PTPN12: variants seen among roughly 807,000 people sequenced by gnomAD.
The protein encoded by PTPN12 is tyrosine-protein phosphatase non-receptor type 12.
Under a neutral mutation model 97.6 loss-of-function variants are expected in PTPN12, and 29 were observed. That is an observed-to-expected ratio of 0.30 (90% confidence interval 0.22 to 0.41). The LOEUF (loss-of-function observed/expected upper bound fraction) is 0.41, where lower values mean the gene tolerates loss of function less well. PTPN12 is among the 10% of genes least tolerant of loss of function. The probability of loss-of-function intolerance (pLI) is 1.00; values close to 1 mark genes in which losing one functional copy is unlikely to be tolerated. For missense variants in PTPN12, 819 were observed against 926.0 expected (o/e 0.88, Z 1.50); for synonymous variants, 327 against 300.4 (o/e 1.09, Z -0.91).
intron 1 of PTPN12, among the ~76,000 whole-genome samples, chr7:77,564,746 G>GTTTTGTTT (rs1808164926): frequency 2.2e-5 from 1 of 45,370 alleles, no homozygotes; most frequent in Non-Finnish European, 3.8e-5. Flanking sequence ...TTGTTGTCGT[G>GTTTTGTTT]TTTTTTTTTT....
chr7:77,580,148 C>G (rs1031809685), intron 2 of PTPN12, among the ~76,000 whole-genome samples: 22 of 152,160 alleles, frequency 1.4e-4, no homozygotes, highest in African/African-American at 5.3e-4. Flanking sequence ...ATGGAATTCT[C>G]TGTTACACTA....
chr7:77,595,250 A>T (rs1787987497), intron 6 of PTPN12, among the ~76,000 whole-genome samples: 1 of 152,234 alleles, frequency 6.6e-6, no homozygotes, highest in African/African-American at 2.4e-5. Context: ...TGGTTCAGAC[A>T]ACTCGGGATT....
intron 11 of PTPN12, among the ~76,000 whole-genome samples, chr7:77,612,351 A>G (rs1426120888): frequency 2.6e-5 from 4 of 152,222 alleles, no homozygotes; most frequent in Non-Finnish European, 5.9e-5. Context: ...TCCTCCTACA[A>G]TGCCTTTAGC....
chr7:77,638,316 GGCATATAGTATA>G (rs776929436), intron 16 of PTPN12, among the ~76,000 whole-genome samples: 9 of 151,968 alleles, frequency 5.9e-5, no homozygotes, highest in Non-Finnish European at 1.3e-4. Flanking sequence ...TTAGAACATA[GGCATATAGTATA>G]GCTACCTTAA....
At chr7:77,568,946 T>C (rs1483634808) in intron 1 of PTPN12, among the ~76,000 whole-genome samples, 1 of 152,236 alleles carries the variant, frequency 6.6e-6, no homozygotes, top group African/African-American at 2.4e-5. Flanking sequence ...TCTAATTAAA[T>C]GTGCAAGATG....
Position 77,605,416 on chromosome 7 carries a change from T to TTTG in PTPN12, c.696-1817_696-1816insGTT, listed in dbSNP as rs1788333226. On this transcript the variant is annotated intron_variant, in intron 8 of 17. Coordinates refer to ENST00000248594, the MANE Select transcript of PTPN12 (RefSeq NM_002835.4). ...AAAATACTTTTGTCATGAGTTTTTT[T>TTTG]TTTTTTTTTTTTTTTTTTTTTGAGA... Among the ~76,000 whole-genome samples, 22 of 124,402 alleles carry TTTG rather than the reference T, an allele frequency of 1.8e-4. 1 individual carries two copies. The highest frequency in any genetic ancestry group is 6.2e-4 in the African/African-American group (20 of 32,148). The allele number at this position is 124,402 out of a possible 152,430, so 81.6% of individuals were successfully genotyped here. A position where few individuals can be genotyped will look rare whatever the true frequency, so the allele number is the denominator to read the frequency against.
At chr7:77,635,927 T>G in intron 15 of PTPN12, 78 bp downstream of exon 15, 1 of 932,558 alleles carries the variant, frequency 1.1e-6, no homozygotes, top group East Asian at 2.8e-5. Flanking sequence ...GTTGTTGAAA[T>G]AGCTGTCATC....
intron 1 of PTPN12, 52 bp downstream of exon 1, chr7:77,537,697 G>A: frequency 1.3e-6 from 2 of 1,525,386 alleles, no homozygotes; most frequent in Non-Finnish European, 1.8e-6. Flanking sequence ...GGAGCCCATC[G>A]CCGCCTCTCC....
intron 1 of PTPN12, among the ~76,000 whole-genome samples, 200 bp from the exon 2 acceptor site, chr7:77,570,878 T>C (rs1157104630): frequency 6.6e-6 from 1 of 152,254 alleles, no homozygotes; most frequent in Non-Finnish European, 1.5e-5. Context: ...TTGCTGCTCA[T>C]GTGAAATAAA....
intron 14 of PTPN12, among the ~76,000 whole-genome samples, chr7:77,633,255 A>T (rs1584225679): frequency 7.0e-6 from 1 of 143,796 alleles, no homozygotes; most frequent in East Asian, 2.2e-4. Flanking sequence ...GGGCAACAAG[A>T]GCGAAACTCC....
Position 77,550,568 on chromosome 7 carries a change from TA to T in PTPN12, c.99+12926del. ...TAACTGAAGAGTAATGAATGCCCTTTAAAGATTTTTTTGAGATTAGGAAACA... is the reference window on the plus strand; with the variant it reads ...TAACTGAAGAGTAATGAATGCCCTTTAAGATTTTTTTGAGATTAGGAAACA... On this transcript the variant is annotated intron_variant, in intron 1 of 17. Coordinates refer to ENST00000248594, the MANE Select transcript of PTPN12 (RefSeq NM_002835.4). Among the ~76,000 whole-genome samples the T allele has an allele frequency of 2.0e-5, 3 of 152,246 alleles. No homozygotes were observed. In the South Asian group the frequency reaches 6.2e-4, roughly 32 times the overall value.
chr7:77,609,178 C>T (rs1788475754), intron 9 of PTPN12, among the ~76,000 whole-genome samples: 1 of 151,436 alleles, frequency 6.6e-6, no homozygotes, highest in Non-Finnish European at 1.5e-5. Context: ...CGAGATTGTG[C>T]CATTGCACTG....
intron 8 of PTPN12, among the ~76,000 whole-genome samples, chr7:77,604,298 C>T (rs1788289042): frequency 7.3e-6 from 1 of 137,644 alleles, no homozygotes; most frequent in Admixed American, 8.3e-5. Flanking sequence ...TTGCTGCAAC[C>T]TCTGCCTCCT....
chr7:77,587,699 C>T (rs1171069289), intron 5 of PTPN12, among the ~76,000 whole-genome samples: 4 of 152,196 alleles, frequency 2.6e-5, no homozygotes, highest in Admixed American at 2.0e-4. Context: ...TTCTCTAGTT[C>T]TGAAAATCCT....
At chr7:77,616,431 A>T (rs1371311174) in intron 11 of PTPN12, among the ~76,000 whole-genome samples, 2 of 152,146 alleles carry the variant, frequency 1.3e-5, no homozygotes, top group African/African-American at 4.8e-5. Context: ...ACATTTTAGT[A>T]TCCTCTGCTT....
At chr7:77,566,186 GGTGA>G (rs1432197773) in intron 1 of PTPN12, among the ~76,000 whole-genome samples, 3 of 152,164 alleles carry the variant, frequency 2.0e-5, no homozygotes, top group African/African-American at 7.2e-5. Flanking sequence ...TCATAGTGGT[GGTGA>G]GTAATTCTAT....
intron 8 of PTPN12, among the ~76,000 whole-genome samples, chr7:77,603,890 T>C (rs1484562887): frequency 7.2e-6 from 1 of 138,962 alleles, no homozygotes; most frequent in Admixed American, 7.1e-5. Flanking sequence ...TTGCTTTTTT[T>C]TTTTTTTTTT....
Position 77,627,594 on chromosome 7 carries a change from A to G in PTPN12, c.1915A>G (p.Ser639Gly). The stretch of plus-strand genomic sequence containing the variant: ...AGTTTCTGCTGCCACTAGTACTGAA[A>G]GCATTTCTACTAGGAAAGTATTGCC... ...ATVSAATSTE[S>G]ISTRKVLPMS... is the part of the protein sequence containing the mutation. The change falls in exon 13 of 18, where the codon AGC (serine) becomes GGC (glycine). Residue 639 changes from serine (S) to glycine (G), a missense_variant. By Grantham distance (56) the Ser-to-Gly change is moderately conservative. Coordinates refer to ENST00000248594, the MANE Select transcript of PTPN12 (RefSeq NM_002835.4). 1 of 1,613,478 alleles carries G rather than the reference A, an allele frequency of 6.2e-7. No homozygotes were observed. Among genetic ancestry groups the G allele is most frequent in the Non-Finnish European group, 8.5e-7 (1 of 1,179,778 alleles).
intron 8 of PTPN12, chr7:77,601,077 A>C (rs1788173993): frequency 1.1e-5 from 3 of 282,034 alleles, no homozygotes; most frequent in Non-Finnish European, 2.0e-5. Flanking sequence ...CACTGATTAG[A>C]GCATATAATC....
Sources: allele counts gnomAD v4.1 joint callset (sites outside exome capture counted in the v4.1 genomes callset), GRCh38; gene constraint gnomAD v4.1.1; transcripts MANE v1.5; gene names NCBI Gene and HGNC (gene_info 2026-07-23, HGNC 2026-07-21).